SGCZ: variants seen among roughly 807,000 people sequenced by gnomAD.
SGCZ encodes sarcoglycan zeta.
SGCZ carries 40 observed loss-of-function variants against 41.3 expected under a neutral mutation model. The ratio of observed to expected loss-of-function variants is 0.97; its 90% CI spans 0.75 to 1.26. SGCZ has a LOEUF of 1.26. SGCZ is among the 50% of genes most tolerant of loss of function. The pLI is 0.00. For missense variants in SGCZ, 552 were observed against 369.8 expected (o/e 1.49, Z -4.04); for synonymous variants, 206 against 137.5 (o/e 1.50, Z -3.49).
chr8:15,156,624 T>C (rs954616849), intron 1 of SGCZ, among the ~76,000 whole-genome samples: 1 of 152,314 alleles, frequency 6.6e-6, no homozygotes, highest in African/African-American at 2.4e-5. Context: ...AAGCTCCTTA[T>C]CTTTGCAATA....
intron 1 of SGCZ, among the ~76,000 whole-genome samples, chr8:15,055,159 C>A (rs571548631): frequency 3.3e-5 from 5 of 152,040 alleles, no homozygotes; most frequent in Admixed American, 6.6e-5. Context: ...CAGCTAGGCC[C>A]AATCTCTAAC....
intron 2 of SGCZ, among the ~76,000 whole-genome samples, chr8:14,362,443 G>C (rs925655472): frequency 3.3e-5 from 5 of 152,176 alleles, no homozygotes; most frequent in African/African-American, 1.2e-4. Context: ...ATCCCAGGTG[G>C]ATCTCAGACT....
chr8:14,690,062 T>A (rs535516073), intron 1 of SGCZ, among the ~76,000 whole-genome samples: 19 of 151,426 alleles, frequency 1.3e-4, no homozygotes, highest in African/African-American at 4.6e-4. Context: ...CAGTTGAGAA[T>A]GAGACAAATT....
At chr8:14,413,699 T>A (rs558929620) in intron 2 of SGCZ, among the ~76,000 whole-genome samples, 1 of 152,062 alleles carries the variant, frequency 6.6e-6, no homozygotes, top group Non-Finnish European at 1.5e-5. Context: ...TTTCCTTTTT[T>A]GAGAGCACTA....
intron 1 of SGCZ, among the ~76,000 whole-genome samples, chr8:14,765,483 T>C (rs1800009062): frequency 1.3e-5 from 2 of 152,170 alleles, no homozygotes; most frequent in Non-Finnish European, 2.9e-5. Context: ...GCTATGAAAC[T>C]AAATAAATTC....
intron 1 of SGCZ, among the ~76,000 whole-genome samples, chr8:14,757,816 C>T (rs1799726754): frequency 6.6e-6 from 1 of 152,042 alleles, no homozygotes; most frequent in Non-Finnish European, 1.5e-5. Flanking sequence ...AAATATTTGC[C>T]CATACTTTCA....
intron 1 of SGCZ, among the ~76,000 whole-genome samples, chr8:15,031,826 C>G (rs759514648): frequency 6.6e-6 from 1 of 152,066 alleles, no homozygotes; most frequent in Non-Finnish European, 1.5e-5. Context: ...TCTTTAGCAT[C>G]TCTACGTTGC....
intron 2 of SGCZ, among the ~76,000 whole-genome samples, chr8:14,437,174 A>G (rs1333693853): frequency 6.6e-6 from 1 of 152,230 alleles, no homozygotes; most frequent in African/African-American, 2.4e-5. Flanking sequence ...TAAAATTTCC[A>G]GTGAATAGGA....
chr8:14,705,054 C>T (rs758525075), intron 1 of SGCZ, among the ~76,000 whole-genome samples: 4 of 151,952 alleles, frequency 2.6e-5, no homozygotes, highest in South Asian at 4.1e-4. Flanking sequence ...TTGTTAATTT[C>T]GAAGCTGATC....
chr8:14,577,129 A>T (rs961567879), intron 1 of SGCZ, among the ~76,000 whole-genome samples: 77 of 152,344 alleles, frequency 5.1e-4, no homozygotes, highest in African/African-American at 1.8e-3. Flanking sequence ...AAACCATATT[A>T]AGTGCATTTG....
intron 3 of SGCZ, among the ~76,000 whole-genome samples, chr8:14,267,016 A>G (rs1799894091): frequency 6.6e-6 from 1 of 152,110 alleles, no homozygotes; most frequent in African/African-American, 2.4e-5. Flanking sequence ...AAAGGCTCAT[A>G]AATCATATCA....
intron 1 of SGCZ, among the ~76,000 whole-genome samples, chr8:14,708,304 A>G (rs1025473725): frequency 2.6e-5 from 4 of 152,030 alleles, no homozygotes; most frequent in African/African-American, 9.7e-5. Context: ...ATATTAATTT[A>G]TGCACAGAAA....
intron 2 of SGCZ, among the ~76,000 whole-genome samples, chr8:14,339,767 G>A (rs181551425): frequency 2.6e-5 from 4 of 152,192 alleles, no homozygotes; most frequent in Non-Finnish European, 4.4e-5. Context: ...CGAGTACATA[G>A]CACATAAGAA....
chr8:14,356,015 T>C (rs546460149), intron 2 of SGCZ, among the ~76,000 whole-genome samples: 2 of 152,310 alleles, frequency 1.3e-5, no homozygotes, highest in Admixed American at 1.3e-4. Flanking sequence ...TTTCTTTTCC[T>C]GGGCTAGTAA....
At chr8:15,217,616 G>A (rs916383013) in intron 1 of SGCZ, among the ~76,000 whole-genome samples, 1 of 152,262 alleles carries the variant, frequency 6.6e-6, no homozygotes, top group African/African-American at 2.4e-5. Context: ...ACGTGGAAGG[G>A]ACGAGACTGG....
At chr8:14,461,433 C>T (rs1217342223) in intron 2 of SGCZ, among the ~76,000 whole-genome samples, 1 of 152,070 alleles carries the variant, frequency 6.6e-6, no homozygotes, top group Non-Finnish European at 1.5e-5. Flanking sequence ...TTAACACTTG[C>T]TGCTCAAAAT....
chr8:14,402,431 T>C (rs572681611), intron 2 of SGCZ, among the ~76,000 whole-genome samples: 48 of 151,822 alleles, frequency 3.2e-4, no homozygotes, highest in African/African-American at 1.1e-3. Context: ...GGTCGAACGT[T>C]TAAGTCTTTA....
At chr8:14,961,466 A>G (rs1800964221) in intron 1 of SGCZ, among the ~76,000 whole-genome samples, 2 of 152,264 alleles carry the variant, frequency 1.3e-5, no homozygotes, top group South Asian at 2.1e-4. Context: ...GTACCATACA[A>G]TAAGGTATTT....
intron 3 of SGCZ, among the ~76,000 whole-genome samples, chr8:14,301,823 T>G (rs1801200456): frequency 1.3e-5 from 2 of 152,168 alleles, no homozygotes; most frequent in Non-Finnish European, 2.9e-5. Context: ...TTATAGTATT[T>G]TGTTATTCAT....
Sources: allele counts gnomAD v4.1 joint callset (sites outside exome capture counted in the v4.1 genomes callset), GRCh38; gene constraint gnomAD v4.1.1; transcripts MANE v1.5; gene names NCBI Gene and HGNC (gene_info 2026-07-23, HGNC 2026-07-21).